Variants in CEMIP observed in about 807,000 individuals in gnomAD.
CEMIP encodes cell migration-inducing and hyaluronan-binding protein.
A neutral mutation model predicts 156.9 loss-of-function variants in CEMIP; 105 were observed. The ratio of observed to expected loss-of-function variants is 0.67; its 90% CI spans 0.57 to 0.79. The LOEUF (loss-of-function observed/expected upper bound fraction) is 0.79, where lower values mean the gene tolerates loss of function less well. Ranked by LOEUF, CEMIP falls within the 30% of genes least tolerant of loss-of-function variation. The pLI, the probability that CEMIP is intolerant of heterozygous loss-of-function variation, is 0.00. For synonymous variants in CEMIP, 676 were observed against 668.4 expected (o/e 1.01, Z -0.17); for missense variants, 1,457 against 1,769.4 (o/e 0.82, Z 3.17).
intron 3 of CEMIP, among the ~76,000 whole-genome samples, chr15:80,876,199 C>G (rs1898471708): frequency 6.6e-6 from 1 of 152,218 alleles, no homozygotes; most frequent in Non-Finnish European, 1.5e-5. Flanking sequence ...GCCTGACACT[C>G]TTGTCCAGGA....
At chr15:80,826,252 G>C (rs1295003164) in intron 1 of CEMIP, among the ~76,000 whole-genome samples, 1 of 152,218 alleles carries the variant, frequency 6.6e-6, no homozygotes, top group Non-Finnish European at 1.5e-5. Flanking sequence ...CAAGTTACCA[G>C]TCTGGGCATT....
At chr15:80,870,352 C>G (rs543255241) in intron 1 of CEMIP, among the ~76,000 whole-genome samples, 2 of 152,226 alleles carry the variant, frequency 1.3e-5, no homozygotes, top group African/African-American at 4.8e-5. Flanking sequence ...TTTCTCTTAC[C>G]TCCTGCTACC....
At chr15:80,884,406 C>G (rs778113432) in intron 7 of CEMIP, 52 bp downstream of exon 7, 10 of 1,572,180 alleles carry the variant, frequency 6.4e-6, no homozygotes, top group South Asian at 3.3e-5. Context: ...TGAAGCCACT[C>G]TATCCCACTG....
intron 1 of CEMIP, among the ~76,000 whole-genome samples, chr15:80,799,291 C>T (rs1034377911): frequency 2.2e-4 from 33 of 152,206 alleles, no homozygotes; most frequent in Admixed American, 1.8e-3. Flanking sequence ...CTTGTGAGCA[C>T]GAGATCTAGG....
intron 1 of CEMIP, among the ~76,000 whole-genome samples, chr15:80,808,443 G>A (rs1365909765): frequency 6.6e-6 from 1 of 152,190 alleles, no homozygotes; most frequent in African/African-American, 2.4e-5. Flanking sequence ...AGGTGGGCAG[G>A]CAGGGTTCTA....
intron 28 of CEMIP, 137 bp downstream of exon 28, chr15:80,943,239 A>C: frequency 1.1e-6 from 1 of 945,020 alleles, no homozygotes. Flanking sequence ...CTGCCCACAA[A>C]TCATGGGTGT....
intron 1 of CEMIP, among the ~76,000 whole-genome samples, chr15:80,822,763 G>A (rs1896940902): frequency 6.6e-6 from 1 of 152,110 alleles, no homozygotes; most frequent in African/African-American, 2.4e-5. Context: ...GTTGTTTGTG[G>A]CATCAAATGA....
intron 1 of CEMIP, among the ~76,000 whole-genome samples, chr15:80,793,154 G>A (rs752554166): frequency 2.0e-5 from 3 of 152,172 alleles, no homozygotes; most frequent in Non-Finnish European, 4.4e-5. Context: ...GACATGGGTG[G>A]CAGCAGGTTG....
At chr15:80,803,697 G>A (rs1413363753) in intron 1 of CEMIP, among the ~76,000 whole-genome samples, 1 of 152,168 alleles carries the variant, frequency 6.6e-6, no homozygotes, top group African/African-American at 2.4e-5. Flanking sequence ...GTTAAGCAAC[G>A]GTTCTACAGA....
At position 80,933,333 on chromosome 15, in the gene CEMIP, T is replaced by G; in HGVS notation, c.2882T>G (p.Val961Gly). Residue 961 changes from valine (V) to glycine (G), a missense_variant, in exon 23 of 30, where the codon GTC becomes GGC. This residue lies in a region of CEMIP where 798 missense variants were observed against 980.1 expected (regional missense o/e 0.81). Coordinates refer to ENST00000394685, the MANE Select transcript of CEMIP (RefSeq NM_001293298.2). ...GATAAGACATCTGTGTTCCATGACG[T>G]CGACGGCTCCGTGTCCGAGTACCCT... is the stretch of plus-strand genomic sequence containing the variant. Reference protein sequence around the residue: ...DGDKTSVFHDVDGSVSEYPGS... With the variant: ...DGDKTSVFHDGDGSVSEYPGS... 2 of 1,614,186 alleles carry G rather than the reference T, an allele frequency of 1.2e-6. No individual in the cohort carries two copies. Among genetic ancestry groups the G allele is most frequent in the Non-Finnish European group, 1.7e-6 (2 of 1,180,034 alleles).
At position 80,943,018 on chromosome 15, in the gene CEMIP, T is replaced by C; in HGVS notation, c.3773T>C (p.Val1258Ala). 1 of 1,614,188 alleles carries C rather than the reference T, an allele frequency of 6.2e-7. No homozygotes were observed. Among genetic ancestry groups the C allele is most frequent in the South Asian group, 1.1e-5 (1 of 91,080 alleles). Residue 1258 changes from valine (V) to alanine (A), a missense_variant, in exon 28 of 30, where the codon GTG (valine) becomes GCG (alanine). Around this residue, in one of 5 missense-constraint regions of CEMIP, gnomAD observed 798 missense variants for 980.1 expected, o/e 0.81. Transcript: ENST00000394685. Reference protein sequence around the residue: ...VVVIDGNQGRVVSHTSFRNSI... With the variant: ...VVVIDGNQGRAVSHTSFRNSI... ...GTGATTGACGGGAACCAAGGGCGCG[T>C]GGTGAGCCACACGAGCTTCAGGAAC... is the stretch of plus-strand genomic sequence containing the variant.
chr15:80,815,715 T>C (rs1208012012), intron 1 of CEMIP, among the ~76,000 whole-genome samples: 3 of 152,206 alleles, frequency 2.0e-5, no homozygotes, highest in Admixed American at 6.5e-5. Context: ...TTAAAGATCA[T>C]GTTTTATTAA....
At chr15:80,805,521 A>G (rs1191768604) in intron 1 of CEMIP, among the ~76,000 whole-genome samples, 2 of 152,200 alleles carry the variant, frequency 1.3e-5, no homozygotes, top group Non-Finnish European at 2.9e-5. Flanking sequence ...TAGGAAGCTC[A>G]GGAGTAGTGT....
At chr15:80,784,121 G>A (rs1395173245) in intron 1 of CEMIP, among the ~76,000 whole-genome samples, 1 of 152,180 alleles carries the variant, frequency 6.6e-6, no homozygotes, top group African/African-American at 2.4e-5. Flanking sequence ...ATATCTTTGA[G>A]TCTTCTGGAA....
At chr15:80,935,553 G>T (rs1901089431) in intron 23 of CEMIP, among the ~76,000 whole-genome samples, 1 of 152,122 alleles carries the variant, frequency 6.6e-6, no homozygotes, top group African/African-American at 2.4e-5. Context: ...TCCTAAGATG[G>T]GCAGGGTTGG....
At chr15:80,795,748 A>G (rs1379742114) in intron 1 of CEMIP, among the ~76,000 whole-genome samples, 3 of 152,144 alleles carry the variant, frequency 2.0e-5, no homozygotes, top group African/African-American at 4.8e-5. Context: ...AGCCTGGGCA[A>G]CACAGCAAGA....
intron 28 of CEMIP, among the ~76,000 whole-genome samples, chr15:80,945,730 TAC>T (rs1399517662): frequency 6.6e-6 from 1 of 152,218 alleles, no homozygotes; most frequent in East Asian, 1.9e-4. Flanking sequence ...GGTCTGTGGT[TAC>T]AGAGTTCCTT....
chr15:80,879,881 A>C (rs1567080353), intron 5 of CEMIP, 27 bp downstream of exon 5: 1 of 1,613,482 alleles, frequency 6.2e-7, no homozygotes, highest in Non-Finnish European at 8.5e-7. Flanking sequence ...TACAGATCAA[A>C]TGCTACCCAT....
intron 25 of CEMIP, among the ~76,000 whole-genome samples, chr15:80,939,074 G>A (rs773720178): frequency 1.3e-5 from 2 of 152,206 alleles, no homozygotes; most frequent in African/African-American, 2.4e-5. Flanking sequence ...CAAGTGCTAC[G>A]CCAGCTGGGG....
Sources: gnomAD v4.1 joint callset for allele counts (sites outside exome capture counted in the v4.1 genomes callset) on GRCh38, gnomAD v4.1.1 for gene constraint, gnomAD v4.1.1 regional missense constraint, MANE v1.5 for transcripts, NCBI Gene and HGNC (gene_info 2026-07-23, HGNC 2026-07-21) for gene names.